Variants in USP47 observed in about 807,000 individuals in gnomAD.
The protein encoded by USP47 is ubiquitin specific peptidase 47.
In USP47, 35 loss-of-function variants were observed where a neutral mutation model predicts 165.1. The observed-to-expected ratio is 0.21, with a 90% CI of 0.16 to 0.28. USP47 has a LOEUF of 0.28. Among genes scored for constraint, USP47 ranks in the 10% least tolerant of loss-of-function variants. The probability of loss-of-function intolerance (pLI) is 1.00; values close to 1 mark genes in which losing one functional copy is unlikely to be tolerated. For missense variants in USP47, 1,277 were observed against 1,607.4 expected (o/e 0.79, Z 3.52); for synonymous variants, 531 against 544.5 (o/e 0.98, Z 0.35).
chr11:11,918,947 C>A (rs1047819706), intron 8 of USP47, among the ~76,000 whole-genome samples: 13 of 151,618 alleles, frequency 8.6e-5, no homozygotes, highest in African/African-American at 2.4e-4. Context: ...CTTTTTCCCC[C>A]AAAAATATGC....
chr11:11,903,399 T>C, intron 7 of USP47, 57 bp downstream of exon 7: 1 of 1,504,358 alleles, frequency 6.6e-7, no homozygotes. Context: ...CTTGTTACCC[T>C]AAATGACTTT....
intron 1 of USP47, among the ~76,000 whole-genome samples, chr11:11,872,114 A>C (rs1850108854): frequency 6.6e-6 from 1 of 152,182 alleles, no homozygotes; most frequent in African/African-American, 2.4e-5. Context: ...TCTGCTAGGC[A>C]TCAGCTGGGG....
intron 1 of USP47, among the ~76,000 whole-genome samples, chr11:11,848,380 A>G (rs1848541575): frequency 6.6e-6 from 1 of 152,216 alleles, no homozygotes; most frequent in African/African-American, 2.4e-5. Flanking sequence ...ATACATCATA[A>G]GTCTTTGTGT....
chr11:11,882,444 T>A (rs11022075), intron 2 of USP47, among the ~76,000 whole-genome samples: 386 of 152,252 alleles, frequency 2.5e-3, no homozygotes, highest in African/African-American at 8.7e-3. Flanking sequence ...TTTGTTTTTT[T>A]AAAAATATAG....
chr11:11,922,449 A>G (rs1374447057), intron 10 of USP47, among the ~76,000 whole-genome samples: 1 of 151,980 alleles, frequency 6.6e-6, no homozygotes, highest in Non-Finnish European at 1.5e-5. Flanking sequence ...ATGTTGTAAC[A>G]GTAAACATAA....
intron 13 of USP47, 63 bp from the exon 14 acceptor site, chr11:11,930,633 T>G: frequency 1.7e-6 from 2 of 1,209,486 alleles, no homozygotes; most frequent in Non-Finnish European, 2.4e-6. Context: ...TATTTCATGC[T>G]TAGAAGTGGA....
chr11:11,915,630 T>C (rs1281125421), intron 8 of USP47, among the ~76,000 whole-genome samples: 1 of 152,210 alleles, frequency 6.6e-6, no homozygotes, highest in Non-Finnish European at 1.5e-5. Flanking sequence ...CTGTATGTTA[T>C]TTCTTACGAT....
intron 5 of USP47, among the ~76,000 whole-genome samples, chr11:11,900,123 T>C (rs1190289090): frequency 6.7e-6 from 1 of 149,850 alleles, no homozygotes; most frequent in Non-Finnish European, 1.5e-5. Context: ...AGTGCTAGGA[T>C]AAAAGGATAG....
intron 3 of USP47, among the ~76,000 whole-genome samples, chr11:11,884,938 G>A (rs1190064309): frequency 6.6e-6 from 1 of 152,146 alleles, no homozygotes; most frequent in Middle Eastern, 3.2e-3. Context: ...CTTGGTTGCT[G>A]TAAATCTTTG....
At chr11:11,842,958 T>C (rs1848223367) in intron 1 of USP47, among the ~76,000 whole-genome samples, 1 of 151,652 alleles carries the variant, frequency 6.6e-6, no homozygotes, top group Non-Finnish European at 1.5e-5. Context: ...TGAATAGTAG[T>C]AGAAGATTTA....
intron 7 of USP47, among the ~76,000 whole-genome samples, chr11:11,903,939 G>A (rs928866069): frequency 1.3e-5 from 2 of 152,086 alleles, no homozygotes; most frequent in African/African-American, 4.8e-5. Context: ...GGATAAAAGG[G>A]GAAGAGTATA....
intron 11 of USP47, among the ~76,000 whole-genome samples, chr11:11,928,867 G>T (rs1854447787): frequency 6.6e-6 from 1 of 151,780 alleles, no homozygotes; most frequent in African/African-American, 2.4e-5. Flanking sequence ...TTAAAGAATT[G>T]TTTGCAGAAC....
intron 24 of USP47, chr11:11,951,167 G>C (rs1856196480): frequency 6.6e-6 from 1 of 152,356 alleles, no homozygotes; most frequent in Non-Finnish European, 1.5e-5. Context: ...CATCACCCCA[G>C]TCTCTGCCTT....
chr11:11,851,234 T>A (rs1848708544), intron 1 of USP47, among the ~76,000 whole-genome samples: 1 of 152,012 alleles, frequency 6.6e-6, no homozygotes, highest in South Asian at 2.1e-4. Flanking sequence ...TTCCCCAGTT[T>A]TCATTATGGC....
intron 14 of USP47, among the ~76,000 whole-genome samples, chr11:11,931,503 C>G (rs1334345306): frequency 2.0e-5 from 3 of 151,964 alleles, no homozygotes; most frequent in Non-Finnish European, 4.4e-5. Context: ...AAGAAACTAC[C>G]CCAAAGAGTA....
chr11:11,867,698 A>G (rs1419772765), intron 1 of USP47, among the ~76,000 whole-genome samples: 1 of 152,150 alleles, frequency 6.6e-6, no homozygotes, highest in African/African-American at 2.4e-5. Flanking sequence ...ATGTTTACAC[A>G]CAGTGATTTT....
chr11:11,845,018 A>G (rs1266568865), intron 1 of USP47, among the ~76,000 whole-genome samples: 1 of 152,198 alleles, frequency 6.6e-6, no homozygotes, highest in African/African-American at 2.4e-5. Context: ...GAATTGTTGA[A>G]GAAAAAAAGT....
intron 5 of USP47, among the ~76,000 whole-genome samples, chr11:11,902,034 A>C (rs55809623): frequency 2.6e-4 from 40 of 151,640 alleles, no homozygotes; most frequent in Non-Finnish European, 5.4e-4. Flanking sequence ...AATATTATTA[A>C]TATCAACTCA....
chr11:11,884,694 A>C lies in USP47; in HGVS notation c.357+114A>C, dbSNP rs148637009. The C allele has an allele frequency of 1.4e-3, 971 of 704,080 alleles. 11 individuals carry two copies. The African/African-American group carries it at 0.016, about 12-fold the overall frequency. The allele number at this position is 704,080 out of a possible 1,614,324, so 43.6% of individuals were successfully genotyped here. A position where few individuals can be genotyped will look rare whatever the true frequency, so the allele number is the denominator to read the frequency against. On this transcript the variant is annotated intron_variant, in intron 3 of 27. Transcript: ENST00000527733. ...TGTTTTGTAATTTGTGTAATAAATT[A>C]ATATTTTTTCATTTTATGTTGGTTT...
Sources: gnomAD v4.1 joint callset for allele counts (sites outside exome capture counted in the v4.1 genomes callset) on GRCh38, gnomAD v4.1.1 for gene constraint, MANE v1.5 for transcripts, NCBI Gene and HGNC (gene_info 2026-07-23, HGNC 2026-07-21) for gene names.